The following VWC2L variants were observed in gnomAD, a reference collection of about 807,000 sequenced individuals.
VWC2L encodes the protein von Willebrand factor C domain-containing protein 2-like.
A neutral mutation model predicts 21.6 loss-of-function variants in VWC2L; 10 were observed. The observed-to-expected ratio is 0.46, with a 90% confidence interval of 0.29 to 0.78. VWC2L has a LOEUF of 0.78. Ranked by LOEUF, VWC2L falls within the 30% of genes least tolerant of loss-of-function variation. The pLI, the probability that VWC2L is intolerant of heterozygous loss-of-function variation, is 0.10. For missense variants in VWC2L, 209 were observed against 277.1 expected, an observed-to-expected ratio of 0.75 and a Z score of 1.74; for synonymous variants, 96 against 94.3, an observed-to-expected ratio of 1.02 and a Z score of -0.10.
At chr2:214,491,634 G>C (rs2126201392) in intron 3 of VWC2L, among the ~76,000 whole-genome samples, 1 of 152,234 alleles carries the variant, frequency 6.6e-6, no homozygotes, top group South Asian at 2.1e-4. Context: ...CAGAATCAGA[G>C]ATTTCCCTTC....
At chr2:214,431,761 A>C (rs1449697310) in intron 2 of VWC2L, among the ~76,000 whole-genome samples, 1 of 152,218 alleles carries the variant, frequency 6.6e-6, no homozygotes, top group African/African-American at 2.4e-5. Flanking sequence ...ATTAAAATTG[A>C]TACACATTAT....
intron 3 of VWC2L, among the ~76,000 whole-genome samples, chr2:214,451,313 G>GC (rs975746341): frequency 3.4e-5 from 5 of 147,270 alleles, no homozygotes; most frequent in Non-Finnish European, 3.0e-5. Flanking sequence ...CGGTGTGGGG[G>GC]GGGGGGGCAG....
At chr2:214,544,443 C>T (rs1574628398) in intron 3 of VWC2L, among the ~76,000 whole-genome samples, 1 of 152,168 alleles carries the variant, frequency 6.6e-6, no homozygotes, top group East Asian at 1.9e-4. Context: ...TCTTCTATGA[C>T]TTAGAAATTC....
chr2:214,491,016 A>G (rs1362804226), intron 3 of VWC2L, among the ~76,000 whole-genome samples: 1 of 152,186 alleles, frequency 6.6e-6, no homozygotes. Context: ...ACAGGATTCC[A>G]GTTGCCAGGG....
chr2:214,554,884 G>A (rs1359696697), intron 3 of VWC2L, among the ~76,000 whole-genome samples: 3 of 152,076 alleles, frequency 2.0e-5, no homozygotes, highest in Non-Finnish European at 4.4e-5. Flanking sequence ...ACTTCGAAAT[G>A]GCCCTGCAAA....
intron 3 of VWC2L, among the ~76,000 whole-genome samples, chr2:214,503,320 C>G (rs1688921869): frequency 1.3e-5 from 2 of 151,956 alleles, no homozygotes; most frequent in East Asian, 3.8e-4. Flanking sequence ...TCCCAAAATA[C>G]TTTCAGAGGC....
chr2:214,496,599 CAA>C (rs2126203574), intron 3 of VWC2L, among the ~76,000 whole-genome samples: 2 of 152,272 alleles, frequency 1.3e-5, no homozygotes, highest in African/African-American at 4.8e-5. Context: ...CAGTACAGAG[CAA>C]AGACATTCTT....
intron 3 of VWC2L, among the ~76,000 whole-genome samples, chr2:214,483,594 G>A (rs981654615): frequency 6.6e-6 from 1 of 152,098 alleles, no homozygotes; most frequent in Non-Finnish European, 1.5e-5. Context: ...ACAGCAATAC[G>A]TTTACATTCA....
intron 3 of VWC2L, among the ~76,000 whole-genome samples, chr2:214,550,935 G>C (rs1574631752): frequency 6.6e-6 from 1 of 152,158 alleles, no homozygotes; most frequent in Non-Finnish European, 1.5e-5. Context: ...ATCTTCACCA[G>C]CCCTCTCTTC....
At chr2:214,544,273 G>C (rs1321034441) in intron 3 of VWC2L, among the ~76,000 whole-genome samples, 1 of 152,154 alleles carries the variant, frequency 6.6e-6, no homozygotes, top group Non-Finnish European at 1.5e-5. Flanking sequence ...AGAGAGCCCT[G>C]TTGTAATAGA....
intron 3 of VWC2L, among the ~76,000 whole-genome samples, chr2:214,563,945 C>G (rs190809388): frequency 2.0e-5 from 3 of 152,300 alleles, no homozygotes; most frequent in African/African-American, 4.8e-5. Context: ...GAAAACCCCA[C>G]TGTCTCAGCC....
chr2:214,518,071 C>G (rs1689173398), intron 3 of VWC2L, among the ~76,000 whole-genome samples: 1 of 151,898 alleles, frequency 6.6e-6, no homozygotes, highest in Admixed American at 6.6e-5. Flanking sequence ...GAGACTGAGG[C>G]AGGAGAATGG....
intron 3 of VWC2L, among the ~76,000 whole-genome samples, chr2:214,468,077 C>A (rs1270590696): frequency 6.6e-6 from 1 of 151,884 alleles, no homozygotes; most frequent in East Asian, 1.9e-4. Context: ...GGTGCAGTGG[C>A]GCAATCTCAG....
At chr2:214,430,532 C>T (rs1246159769) in intron 2 of VWC2L, among the ~76,000 whole-genome samples, 1 of 151,958 alleles carries the variant, frequency 6.6e-6, no homozygotes, top group Non-Finnish European at 1.5e-5. Context: ...AATGAATATG[C>T]TGAATTTTTT....
chr2:214,475,358 C>A (rs756914139), intron 3 of VWC2L, among the ~76,000 whole-genome samples: 11 of 151,342 alleles, frequency 7.3e-5, no homozygotes, highest in Admixed American at 6.6e-4. Flanking sequence ...CCAAAACATG[C>A]TTGTTAGTAA....
At chr2:214,552,432 C>T (rs1039701901) in intron 3 of VWC2L, among the ~76,000 whole-genome samples, 1 of 152,156 alleles carries the variant, frequency 6.6e-6, no homozygotes, top group Non-Finnish European at 1.5e-5. Context: ...CCAATTTTAT[C>T]CCCACAATGA....
At chr2:214,526,441 G>A (rs907575277) in intron 3 of VWC2L, among the ~76,000 whole-genome samples, 1 of 152,230 alleles carries the variant, frequency 6.6e-6, no homozygotes, top group South Asian at 2.1e-4. Context: ...TTCGTTCACT[G>A]TAGAATAAAA....
chr2:214,470,957 G>A (rs537021302), intron 3 of VWC2L, among the ~76,000 whole-genome samples: 3 of 143,834 alleles, frequency 2.1e-5, no homozygotes, highest in South Asian at 4.3e-4. Context: ...AGGTGATCGC[G>A]TAATGGGCAT....
At chr2:214,475,105 C>T (rs1688490893) in intron 3 of VWC2L, among the ~76,000 whole-genome samples, 1 of 152,154 alleles carries the variant, frequency 6.6e-6, no homozygotes, top group South Asian at 2.1e-4. Flanking sequence ...ACCTCCAGAG[C>T]CCTTCTTTTG....
Sources: gnomAD v4.1 joint callset for allele counts (sites outside exome capture counted in the v4.1 genomes callset) on GRCh38, gnomAD v4.1.1 for gene constraint, MANE v1.5 for transcripts, NCBI Gene and HGNC (gene_info 2026-07-23, HGNC 2026-07-21) for gene names.